RANBP2: variants seen among roughly 807,000 people sequenced by gnomAD.
The protein encoded by RANBP2 is E3 SUMO-protein ligase RanBP2.
In RANBP2, 57 loss-of-function variants were observed where a neutral mutation model predicts 303.6. The observed-to-expected ratio is 0.19, with a 90% CI of 0.15 to 0.23. RANBP2 has a LOEUF of 0.23. RANBP2 is among the 10% of genes least tolerant of loss of function. RANBP2 has a pLI of 1.00. For synonymous variants in RANBP2, 1,167 were observed against 1,301.5 expected (o/e 0.90, Z 2.23); for missense variants, 3,138 against 3,780.8 (o/e 0.83, Z 4.46).
chr2:109,596,601 C>T, the RANBP2 span, among the ~76,000 whole-genome samples: 14 of 149,456 alleles, frequency 9.4e-5, no homozygotes, highest in Admixed American at 9.4e-4. Flanking sequence ...TGGCAGACAG[C>T]GAGACTCCAT....
chr2:108,768,120 T>G lies in RANBP2; in HGVS notation c.7581T>G (p.Ser2527Arg). ...AGTCTGTTAAAAGCATTTTTAGTAG[T>G]GAAAAATCAAAACCATTTGCATTCG... ...GSESVKSIFS[S>R]EKSKPFAFGN... The change falls in exon 20 of 29, where the codon AGT becomes AGG. Residue 2527 changes from serine (S) to arginine (R), a missense_variant. By Grantham distance (110) the Ser-to-Arg change is moderately radical (BLOSUM62 -1). This residue lies in a region of RANBP2 where 497 missense variants were observed against 465.8 expected (regional missense o/e 1.07). Transcript: ENST00000283195. The G allele has an allele frequency of 1.9e-6, 3 of 1,612,028 alleles. No homozygotes were observed. Among genetic ancestry groups the G allele is most frequent in the Non-Finnish European group, 2.5e-6 (3 of 1,179,868 alleles).
chr2:109,707,521 C>T, the RANBP2 span, among the ~76,000 whole-genome samples: 1 of 152,172 alleles, frequency 6.6e-6, no homozygotes, highest in Non-Finnish European at 1.5e-5. Context: ...TAAAACACCA[C>T]TACAATTCTG....
the RANBP2 span, among the ~76,000 whole-genome samples, chr2:109,673,344 A>G: frequency 6.6e-6 from 1 of 152,184 alleles, no homozygotes; most frequent in South Asian, 2.1e-4. Flanking sequence ...CCCACATGAG[A>G]GGACCTAAGG....
rs1468315894 is a variant in RANBP2 at position 108,729,149 on chromosome 2, C to T, written c.90C>T (p.Phe30=). The T allele has an allele frequency of 1.3e-6, 2 of 1,572,664 alleles. No individual in the cohort carries two copies. Among genetic ancestry groups the T allele is most frequent in the East Asian group, 4.5e-5 (2 of 44,364 alleles). The part of the protein sequence containing the change: ...PSPRQKSMKG[F]YFAKLYYEAK... Reference sequence around the variant, plus strand: ...TTTTTTAGAAGTCAATGAAAGGATTCTATTTTGCAAAGCTGTATTATGAAG... The same window carrying T: ...TTTTTTAGAAGTCAATGAAAGGATTTTATTTTGCAAAGCTGTATTATGAAG... The change falls in exon 2 of 29, where the codon TTC becomes TTT. Residue 30 remains phenylalanine (F), a synonymous_variant. Coordinates refer to ENST00000283195, the MANE Select transcript of RANBP2 (RefSeq NM_006267.5).
chr2:109,496,256 C>T, the RANBP2 span, among the ~76,000 whole-genome samples: 1 of 152,166 alleles, frequency 6.6e-6, no homozygotes, highest in Non-Finnish European at 1.5e-5. Flanking sequence ...CTAATTGCTG[C>T]ATTTTATAAT....
the RANBP2 span, among the ~76,000 whole-genome samples, chr2:109,085,757 C>T: frequency 1.6e-4 from 25 of 152,166 alleles, no homozygotes; most frequent in East Asian, 2.3e-3. Context: ...CCTGCCACCA[C>T]GCCTGGCTAA....
At chr2:109,100,607 G>A in the RANBP2 span, among the ~76,000 whole-genome samples, 2 of 152,124 alleles carry the variant, frequency 1.3e-5, no homozygotes, top group Non-Finnish European at 2.9e-5. Context: ...TAGTGGACCC[G>A]CCTGGAGAGA....
the RANBP2 span, among the ~76,000 whole-genome samples, chr2:109,450,795 G>C: frequency 6.6e-6 from 1 of 152,198 alleles, no homozygotes; most frequent in Non-Finnish European, 1.5e-5. Context: ...GAGCCACTCT[G>C]TGTATTGGCC....
At chr2:109,747,657 AG>A in the RANBP2 span, among the ~76,000 whole-genome samples, 1 of 150,754 alleles carries the variant, frequency 6.6e-6, no homozygotes, top group African/African-American at 2.5e-5. Context: ...CTGAGGCAGG[AG>A]AACTGGGGTG....
chr2:108,968,867 A>G, the RANBP2 span, among the ~76,000 whole-genome samples: 1 of 152,260 alleles, frequency 6.6e-6, no homozygotes, highest in East Asian at 1.9e-4. Flanking sequence ...CTATTTGGCC[A>G]AAGCCCAGTC....
the RANBP2 span, among the ~76,000 whole-genome samples, chr2:109,021,964 T>C: frequency 6.6e-6 from 1 of 152,274 alleles, no homozygotes; most frequent in East Asian, 1.9e-4. Flanking sequence ...GTGGAACTTT[T>C]AGATGGGCCT....
chr2:109,647,922 G>T, the RANBP2 span, among the ~76,000 whole-genome samples: 1 of 152,226 alleles, frequency 6.6e-6, no homozygotes, highest in African/African-American at 2.4e-5. Flanking sequence ...GCCTCACTCA[G>T]TGCCCACTGA....
At chr2:109,586,054 G>A in the RANBP2 span, among the ~76,000 whole-genome samples, 1 of 152,078 alleles carries the variant, frequency 6.6e-6, no homozygotes, top group Non-Finnish European at 1.5e-5. Flanking sequence ...TTCATACAAC[G>A]AGAGTCTAGC....
the RANBP2 span, chr2:109,614,748 C>T: frequency 3.4e-6 from 5 of 1,482,948 alleles, no homozygotes; most frequent in Non-Finnish European, 4.5e-6. Flanking sequence ...CTGTGAAGGG[C>T]CGTCCGAGCC....
chr2:108,744,091 T>C (rs1280609941), intron 7 of RANBP2, among the ~76,000 whole-genome samples: 1 of 152,196 alleles, frequency 6.6e-6, no homozygotes, highest in Non-Finnish European at 1.5e-5. Flanking sequence ...TAACAAAGTA[T>C]CTTGAAACCT....
the RANBP2 span, among the ~76,000 whole-genome samples, chr2:109,455,234 G>A: frequency 6.6e-6 from 1 of 152,160 alleles, no homozygotes; most frequent in Non-Finnish European, 1.5e-5. Flanking sequence ...GGTAGCGGCT[G>A]GCAGGAGACC....
chr2:109,079,695 G>C, the RANBP2 span, among the ~76,000 whole-genome samples: 1 of 152,198 alleles, frequency 6.6e-6, no homozygotes, highest in Non-Finnish European at 1.5e-5. Flanking sequence ...TATGCATGGT[G>C]GGGAGACAGC....
chr2:109,325,507 A>G, the RANBP2 span, among the ~76,000 whole-genome samples: 1 of 151,768 alleles, frequency 6.6e-6, no homozygotes, highest in East Asian at 1.9e-4. Context: ...TGTACAGCAT[A>G]TCATTTCCTT....
chr2:108,974,695 A>C, the RANBP2 span, among the ~76,000 whole-genome samples: 1 of 151,974 alleles, frequency 6.6e-6, no homozygotes, highest in Non-Finnish European at 1.5e-5. Context: ...GCGCCACTGC[A>C]CTCCACCCTG....
Sources: gnomAD v4.1 joint callset for allele counts (sites outside exome capture counted in the v4.1 genomes callset) on GRCh38, gnomAD v4.1.1 for gene constraint, gnomAD v4.1.1 regional missense constraint, MANE v1.5 for transcripts, NCBI Gene and HGNC (gene_info 2026-07-23, HGNC 2026-07-21) for gene names.